SVOP: variants seen among roughly 807,000 people sequenced by gnomAD.
SVOP encodes SV2 related protein.
SVOP carries 17 observed loss-of-function variants against 69.1 expected under a neutral mutation model. The observed-to-expected ratio is 0.25, with a 90% confidence interval of 0.17 to 0.37. The LOEUF (loss-of-function observed/expected upper bound fraction) is 0.37. Ranked by LOEUF, SVOP falls within the 10% of genes least tolerant of loss-of-function variation. The pLI is 1.00. For missense variants in SVOP, 435 were observed against 597.5 expected (o/e 0.73, Z 2.84); for synonymous variants, 238 against 238.6 (o/e 1.00, Z 0.02).
At chr12:108,916,648 A>T (rs2039715699) in intron 14 of SVOP, among the ~76,000 whole-genome samples, 1 of 152,230 alleles carries the variant, frequency 6.6e-6, no homozygotes, top group Non-Finnish European at 1.5e-5. Context: ...AGAAAGGCAC[A>T]CGATGCGAGG....
At chr12:108,966,843 C>T (rs1479873170) in intron 5 of SVOP, among the ~76,000 whole-genome samples, 4 of 152,152 alleles carry the variant, frequency 2.6e-5, no homozygotes, top group Non-Finnish European at 5.9e-5. Flanking sequence ...TGTCTCCCAG[C>T]GGCCAAGGTC....
At chr12:108,922,487 C>T (rs2039755180) in intron 12 of SVOP, among the ~76,000 whole-genome samples, 1 of 152,200 alleles carries the variant, frequency 6.6e-6, no homozygotes, top group South Asian at 2.1e-4. Flanking sequence ...AACTGGGCAG[C>T]TTAACTTGAC....
rs915652705 is a variant in SVOP, at chr12:108,909,804, T to C, written c.*2731A>G. 3 of 152,226 alleles carry C rather than the reference T, an allele frequency of 2.0e-5. No individual in the cohort carries two copies. The highest frequency in any genetic ancestry group is 4.4e-5 in the Non-Finnish European group (3 of 68,036). 9.4% of individuals were successfully genotyped at this position (152,226 alleles called of 1,614,324 possible). ...TTCCATTAACGAAAATAGGAGCTTT[T>C]TGAATAGGATTGTTCAAAATTAGAT... On this transcript the variant is annotated 3_prime_UTR_variant, in exon 16 of 16. Transcript: ENST00000610966.
At chr12:108,945,569 T>G (rs192857073) in intron 6 of SVOP, among the ~76,000 whole-genome samples, 21 of 152,050 alleles carry the variant, frequency 1.4e-4, no homozygotes, top group Admixed American at 7.9e-4. Context: ...TTATTATTAT[T>G]ATGATTTGTA....
At chr12:108,942,202 TTC>T (rs1424717362) in intron 7 of SVOP, among the ~76,000 whole-genome samples, 3 of 152,214 alleles carry the variant, frequency 2.0e-5, no homozygotes, top group African/African-American at 7.2e-5. Context: ...CTGAATAATA[TTC>T]CAATGAATGT....
intron 1 of SVOP, among the ~76,000 whole-genome samples, chr12:109,017,892 A>G (rs2040376604): frequency 6.6e-6 from 1 of 151,886 alleles, no homozygotes; most frequent in African/African-American, 2.4e-5. Context: ...TCTTTATTAT[A>G]CTATATAAAT....
intron 9 of SVOP, among the ~76,000 whole-genome samples, chr12:108,937,911 T>C (rs2039866143): frequency 6.6e-6 from 1 of 152,214 alleles, no homozygotes; most frequent in African/African-American, 2.4e-5. Flanking sequence ...TCCCAGCACT[T>C]TGGGAGGCCG....
intron 7 of SVOP, among the ~76,000 whole-genome samples, chr12:108,942,966 C>T (rs1350428105): frequency 2.6e-5 from 4 of 152,010 alleles, no homozygotes; most frequent in Non-Finnish European, 4.4e-5. Flanking sequence ...GCCATGTTGG[C>T]TACGCTGTTC....
chr12:108,946,200 C>T (rs574489149), intron 6 of SVOP, among the ~76,000 whole-genome samples: 1 of 152,228 alleles, frequency 6.6e-6, no homozygotes, highest in East Asian at 1.9e-4. Context: ...TCAAGCCATC[C>T]TCTTACCAGC....
intron 5 of SVOP, among the ~76,000 whole-genome samples, chr12:108,967,666 T>TTGGAC (rs1167976325): frequency 1.3e-5 from 2 of 152,150 alleles, no homozygotes; most frequent in Non-Finnish European, 2.9e-5. Context: ...CGCCAACATC[T>TTGGAC]TGGACTGGGT....
rs151160321 is a variant in SVOP, at chr12:108,989,132, C to T, written c.36-5371G>A. On this transcript the variant is annotated intron_variant, in intron 1 of 15. Transcript: ENST00000610966. ...TTGCTCAGACTAGAGTGCAATGGCA[C>T]TATTATAGCTCCCTACAGCCTCAAA... Among the ~76,000 whole-genome samples the T allele has an allele frequency of 3.7e-3, 561 of 151,110 alleles. 1 individual carries two copies. The highest frequency in any genetic ancestry group is 0.013 in the African/African-American group (543 of 41,088).
chr12:108,975,730 G>C (rs138500715), intron 4 of SVOP, among the ~76,000 whole-genome samples: 101,877 of 152,008 alleles, frequency 0.67, 34,644 homozygotes, highest in East Asian at 0.79. Flanking sequence ...GAGATGGAGT[G>C]TCACTCTGTC....
At chr12:109,015,088 G>A (rs2040360636) in intron 1 of SVOP, among the ~76,000 whole-genome samples, 1 of 152,300 alleles carries the variant, frequency 6.6e-6, no homozygotes, top group South Asian at 2.1e-4. Context: ...CAAATTTAAA[G>A]AGAGTTATTA....
At chr12:108,987,458 C>A (rs1184358977) in intron 1 of SVOP, among the ~76,000 whole-genome samples, 1 of 152,082 alleles carries the variant, frequency 6.6e-6, no homozygotes, top group Non-Finnish European at 1.5e-5. Flanking sequence ...AGATATAGAC[C>A]CATAAGACGA....
At chr12:109,017,234 G>A (rs1291343262) in intron 1 of SVOP, among the ~76,000 whole-genome samples, 1 of 152,076 alleles carries the variant, frequency 6.6e-6, no homozygotes, top group Non-Finnish European at 1.5e-5. Context: ...ATTCTCATAG[G>A]AGCGTGAACC....
At chr12:108,913,132 C>T (rs2039695041) in intron 15 of SVOP, among the ~76,000 whole-genome samples, 4 of 152,060 alleles carry the variant, frequency 2.6e-5, no homozygotes, top group South Asian at 2.1e-4. Context: ...AGTGCAATGG[C>T]GCAATCTTGG....
chr12:108,997,112 C>A (rs1044080851), intron 1 of SVOP, among the ~76,000 whole-genome samples: 1 of 151,992 alleles, frequency 6.6e-6, no homozygotes, highest in Admixed American at 6.6e-5. Flanking sequence ...GTGCACCGTG[C>A]GCGAGCCGAA....
At chr12:109,020,783 G>A (rs2135639166) in intron 1 of SVOP, 51 bp downstream of exon 1, 2 of 631,018 alleles carry the variant, frequency 3.2e-6, no homozygotes, top group Non-Finnish European at 5.7e-6. Context: ...GCAGGTTTTC[G>A]TTTTTTAAAA....
chr12:108,951,066 G>C (rs1014155496), intron 6 of SVOP, among the ~76,000 whole-genome samples: 25 of 152,208 alleles, frequency 1.6e-4, no homozygotes, highest in African/African-American at 7.2e-5. Context: ...TGTTTGGAAA[G>C]CAAGAACCTG....
Sources: gnomAD v4.1 joint callset for allele counts (sites outside exome capture counted in the v4.1 genomes callset) on GRCh38, gnomAD v4.1.1 for gene constraint, MANE v1.5 for transcripts, NCBI Gene and HGNC (gene_info 2026-07-23, HGNC 2026-07-21) for gene names.